NEK10: variants seen among roughly 807,000 people sequenced by gnomAD.
NEK10 encodes the protein serine/threonine-protein kinase Nek10.
In NEK10, 122 loss-of-function variants were observed where a neutral mutation model predicts 159.8. The observed-to-expected ratio is 0.76, with a 90% CI of 0.66 to 0.89. The LOEUF (loss-of-function observed/expected upper bound fraction) is 0.89, where lower values mean the gene tolerates loss of function less well. Ranked by LOEUF, NEK10 falls within the 40% of genes least tolerant of loss-of-function variation. The pLI, the probability that NEK10 is intolerant of heterozygous loss-of-function variation, is 0.00. For synonymous variants in NEK10, 466 were observed against 457.1 expected, an observed-to-expected ratio of 1.02 and a Z score of -0.25; for missense variants, 1,342 against 1,323.1, an observed-to-expected ratio of 1.01 and a Z score of -0.22.
At chr3:27,153,319 CAAA>C (rs34333130) in intron 30 of NEK10, among the ~76,000 whole-genome samples, 4 of 90,618 alleles carry the variant, frequency 4.4e-5, no homozygotes, top group Admixed American at 1.3e-4. Context: ...GACTCCATCT[CAAA>C]AAAAAAAAAA....
rs1399365452 is a variant in NEK10, at chr3:27,162,721, G to A, written c.2849C>T (p.Thr950Ile). 1 of 1,613,968 alleles carries A rather than the reference G, an allele frequency of 6.2e-7. No individual in the cohort carries two copies. Among genetic ancestry groups the A allele is most frequent in the Non-Finnish European group, 8.5e-7 (1 of 1,179,986 alleles). ...QSQTRDFTGGTGSRPRPASAG... is the reference protein window; with the variant it reads ...QSQTRDFTGGIGSRPRPASAG... ...GTTACCTGGTCTTGGTCTTGATCCT[G>A]TTCCTCCAGTGAAGTCCCTGAAAAT... is the stretch of plus-strand genomic sequence containing the variant. Residue 950 changes from threonine to isoleucine, a missense_variant, in exon 30 of 36, where the codon ACA (threonine) becomes ATA (isoleucine). Physicochemically the swap from Thr to Ile is moderately conservative, Grantham distance 89. Transcript: ENST00000691995.
At chr3:27,261,170 C>T (rs2040380163) in intron 22 of NEK10, among the ~76,000 whole-genome samples, 1 of 152,050 alleles carries the variant, frequency 6.6e-6, no homozygotes, top group Admixed American at 6.6e-5. Context: ...TTCAAAATAC[C>T]AGCTCCTGGA....
chr3:27,352,447 A>G lies in NEK10; in HGVS notation c.132+18T>C, dbSNP rs2048035737. On this transcript the variant is annotated intron_variant, in intron 3 of 35. Coordinates refer to ENST00000691995, the MANE Select transcript of NEK10 (RefSeq NM_001394966.1). ...ATTTTTCTTTTATTACCAAGTGAACATTCTTTGAAAACGCTACCTGTTGTT... is the reference window on the plus strand; with the variant it reads ...ATTTTTCTTTTATTACCAAGTGAACGTTCTTTGAAAACGCTACCTGTTGTT... 1 of 1,583,414 alleles carries G rather than the reference A, an allele frequency of 6.3e-7. No individual in the cohort carries two copies. The highest frequency in any genetic ancestry group is 8.7e-7 in the Non-Finnish European group (1 of 1,152,382).
chr3:27,202,022 A>G (rs1950095423), intron 24 of NEK10, among the ~76,000 whole-genome samples: 1 of 152,082 alleles, frequency 6.6e-6, no homozygotes, highest in African/African-American at 2.4e-5. Flanking sequence ...ATGGTGGCAC[A>G]TACCTGTAAT....
At chr3:27,173,257 T>C (rs756178167) in intron 28 of NEK10, among the ~76,000 whole-genome samples, 2 of 152,232 alleles carry the variant, frequency 1.3e-5, no homozygotes, top group Non-Finnish European at 2.9e-5. Context: ...TAACCATCCT[T>C]GCCAAGTTAC....
At chr3:27,344,896 G>C (rs1280620294) in intron 4 of NEK10, among the ~76,000 whole-genome samples, 1 of 152,132 alleles carries the variant, frequency 6.6e-6, no homozygotes, top group Non-Finnish European at 1.5e-5. Context: ...CATGTTGACT[G>C]TCACTGTTGA....
At chr3:27,204,093 G>A (rs974454536) in intron 23 of NEK10, among the ~76,000 whole-genome samples, 2 of 151,846 alleles carry the variant, frequency 1.3e-5, no homozygotes, top group African/African-American at 2.4e-5. Context: ...CATCTACTGA[G>A]ATCTCAGAAG....
At chr3:27,177,601 CA>C (rs200871740) in intron 26 of NEK10, among the ~76,000 whole-genome samples, 1,687 of 150,884 alleles carry the variant, frequency 0.011, 37 homozygotes, top group African/African-American at 0.039. Context: ...GTTTTTGCTT[CA>C]AAAAAAAATT....
rs116287346 is a variant in NEK10 at position 27,156,097 on chromosome 3, A to G, written c.2869+6604T>C. ...ATTGGCTAGCCACAAGTAGGAAAAG[A>G]AACTGGACCCTCATCTGTCACCCCA... is the stretch of plus-strand genomic sequence containing the variant. On this transcript the variant is annotated intron_variant, in intron 30 of 35. Transcript: ENST00000691995. Among the ~76,000 whole-genome samples, 992 of 152,240 alleles carry G rather than the reference A, an allele frequency of 6.5e-3. 3 individuals are homozygous for G. Among genetic ancestry groups the G allele is most frequent in the Non-Finnish European group, 0.011 (729 of 68,002 alleles).
At position 27,160,544 on chromosome 3, in the gene NEK10, G is replaced by A. The variant is rs1163386635; in HGVS notation, c.2869+2157C>T. ...AGGTGGTAACCCAAATGTTCCCTGTGAATTAATGTGTTGTACAATATTAGC... is the reference window on the plus strand; with the variant it reads ...AGGTGGTAACCCAAATGTTCCCTGTAAATTAATGTGTTGTACAATATTAGC... On this transcript the variant is annotated intron_variant, in intron 30 of 35. Transcript: ENST00000691995. Among the ~76,000 whole-genome samples the A allele has an allele frequency of 5.3e-5, 8 of 152,238 alleles. No homozygotes were observed. The East Asian group carries it at 1.4e-3, about 26-fold the overall frequency.
chr3:27,234,975 T>C (rs1953743592), intron 23 of NEK10, among the ~76,000 whole-genome samples: 1 of 152,030 alleles, frequency 6.6e-6, no homozygotes, highest in South Asian at 2.1e-4. Flanking sequence ...CCTACAACCA[T>C]CTGATGTTTA....
chr3:27,214,990 T>G, intron 23 of NEK10: 1 of 685,762 alleles, frequency 1.5e-6, no homozygotes, highest in Non-Finnish European at 2.7e-6. Flanking sequence ...CAGGCACCGG[T>G]CCCACTTCCG....
At chr3:27,324,427 C>G (rs369651869) in intron 5 of NEK10, among the ~76,000 whole-genome samples, 1 of 152,158 alleles carries the variant, frequency 6.6e-6, no homozygotes, top group South Asian at 2.1e-4. Context: ...TTCATGAACT[C>G]CCCCTCAAGC....
At chr3:27,152,656 C>T (rs1450468664) in intron 30 of NEK10, among the ~76,000 whole-genome samples, 4 of 151,090 alleles carry the variant, frequency 2.6e-5, no homozygotes, top group African/African-American at 9.7e-5. Context: ...TGCAACAGCA[C>T]CTCACATTTC....
intron 35 of NEK10, among the ~76,000 whole-genome samples, chr3:27,111,998 G>C (rs577976272): frequency 6.6e-6 from 1 of 152,262 alleles, no homozygotes; most frequent in African/African-American, 2.4e-5. Flanking sequence ...TCTTTACACA[G>C]CTTTCTTCCT....
chr3:27,131,916 C>A lies in NEK10; in HGVS notation c.3045G>T (p.Gln1015His). 1 of 1,605,822 alleles carries A rather than the reference C, an allele frequency of 6.2e-7. No individual in the cohort carries two copies. The highest frequency in any genetic ancestry group is 8.5e-7 in the Non-Finnish European group (1 of 1,173,908). ...ERFKKSLFSQ[Q>H]SNPCNLKSEI... Reference sequence around the variant, plus strand: ...CAGATTTCAAATTACAAGGGTTACTCTGCTGGCTGAAGAGGGATTTCTTGA... The same window carrying A: ...CAGATTTCAAATTACAAGGGTTACTATGCTGGCTGAAGAGGGATTTCTTGA... The change falls in exon 32 of 36, where the codon CAG becomes CAT. Residue 1015 changes from glutamine (Q) to histidine (H), a missense_variant. By Grantham distance (24) the Gln-to-His change is conservative. Coordinates refer to ENST00000691995, the MANE Select transcript of NEK10 (RefSeq NM_001394966.1).
chr3:27,155,710 T>C (rs1241899519), intron 30 of NEK10, among the ~76,000 whole-genome samples: 2 of 151,940 alleles, frequency 1.3e-5, no homozygotes, highest in African/African-American at 4.8e-5. Context: ...AAAATGACCA[T>C]ACTTCCAAAA....
At chr3:27,162,161 T>C (rs1559534223) in intron 30 of NEK10, 1 of 327,942 alleles carries the variant, frequency 3.0e-6, no homozygotes. Context: ...ACATGGTTAC[T>C]ATTTTTTGTT....
chr3:27,258,798 A>C (rs11915157), intron 22 of NEK10, among the ~76,000 whole-genome samples: 38,416 of 151,876 alleles, frequency 0.25, 4,992 homozygotes, highest in Middle Eastern at 0.38. Context: ...CGCCACACTG[A>C]CTTCCACAAT....
Sources: gnomAD v4.1 joint callset for allele counts (sites outside exome capture counted in the v4.1 genomes callset) on GRCh38, gnomAD v4.1.1 for gene constraint, MANE v1.5 for transcripts, NCBI Gene and HGNC (gene_info 2026-07-23, HGNC 2026-07-21) for gene names.